Variants in CFAP20DC observed in about 807,000 individuals in gnomAD.
The protein encoded by CFAP20DC is protein CFAP20DC.
CFAP20DC carries 84 observed loss-of-function variants against 101.7 expected under a neutral mutation model. The ratio of observed to expected loss-of-function variants is 0.83; its 90% CI spans 0.69 to 0.99. The LOEUF is 0.99. Among genes scored for constraint, CFAP20DC ranks in the 50% least tolerant of loss-of-function variants. The pLI is 0.00. For missense variants in CFAP20DC, 1,007 were observed against 970.3 expected (o/e 1.04, Z -0.50); for synonymous variants, 359 against 351.2 (o/e 1.02, Z -0.25).
Position 58,912,465 on chromosome 3 carries a change from C to G in CFAP20DC, c.550+1243G>C, listed in dbSNP as rs1233304746. 3.9e-6 allele frequency: 1 copy of G among 255,912 alleles called. No individual in the cohort carries two copies. The highest frequency in any genetic ancestry group is 7.8e-6 in the Non-Finnish European group (1 of 128,586). The allele number at this position is 255,912 out of a possible 1,614,324, so 15.9% of individuals were successfully genotyped here. On this transcript the variant is annotated intron_variant, in intron 6 of 16. Coordinates refer to ENST00000482387, the MANE Select transcript of CFAP20DC (RefSeq NM_001394063.1). The surrounding 1 kb of genome is among the most constrained non-coding windows in gnomAD (Gnocchi z 4.4). ...TATTATCAAATGAAATTTATAGGCA[C>G]AGTGTCCTGTTCCACAGAGTGAGCC...
intron 1 of CFAP20DC, 81 bp downstream of exon 1, chr3:59,049,530 A>G: frequency 1.6e-6 from 2 of 1,272,986 alleles, no homozygotes; most frequent in Non-Finnish European, 2.2e-6. Context: ...TAGAGGGTGC[A>G]CTTTATCCTC....
At chr3:58,816,938 G>C (rs978212395) in intron 14 of CFAP20DC, among the ~76,000 whole-genome samples, 1 of 152,194 alleles carries the variant, frequency 6.6e-6, no homozygotes, top group East Asian at 1.9e-4. Context: ...CGCAGCTGGA[G>C]ATCTGAGAAC....
rs1385115074 is a variant in CFAP20DC at position 58,897,537 on chromosome 3, T to C, written c.551-12828A>G. Among the ~76,000 whole-genome samples, 3 of 152,256 alleles carry C rather than the reference T, an allele frequency of 2.0e-5. No individual in the cohort carries two copies. The highest frequency in any genetic ancestry group is 4.4e-5 in the Non-Finnish European group (3 of 68,046). On this transcript the variant is annotated intron_variant, in intron 6 of 16. Coordinates refer to ENST00000482387, the MANE Select transcript of CFAP20DC (RefSeq NM_001394063.1). The surrounding 1 kb of genome is among the most constrained non-coding windows in gnomAD (Gnocchi z 4.4). Reference sequence around the variant, plus strand: ...GGTAATGGTATTTCCTTTCCATATTTAGTGCTTCCTTCAGAAGTGCTTGCA... The same window carrying C: ...GGTAATGGTATTTCCTTTCCATATTCAGTGCTTCCTTCAGAAGTGCTTGCA...
chr3:59,000,965 T>C (rs2093292699), intron 4 of CFAP20DC, among the ~76,000 whole-genome samples: 1 of 151,848 alleles, frequency 6.6e-6, no homozygotes, highest in African/African-American at 2.4e-5. Flanking sequence ...GAAAACTTGA[T>C]AGGGGGAAAA....
At chr3:58,808,402 C>A (rs1433582554) in intron 14 of CFAP20DC, among the ~76,000 whole-genome samples, 1 of 152,134 alleles carries the variant, frequency 6.6e-6, no homozygotes, top group Non-Finnish European at 1.5e-5. Flanking sequence ...AGAGTGGGGA[C>A]CAATATTCAA....
intron 12 of CFAP20DC, among the ~76,000 whole-genome samples, chr3:58,856,500 C>G (rs1443884487): frequency 6.6e-6 from 1 of 152,204 alleles, no homozygotes; most frequent in Non-Finnish European, 1.5e-5. Context: ...GGGCAACCCT[C>G]TCTGCTGTAG....
At chr3:58,759,973 C>A in intron 15 of CFAP20DC, among the ~76,000 whole-genome samples, 1 of 152,144 alleles carries the variant, frequency 6.6e-6, no homozygotes, top group Non-Finnish European at 1.5e-5. Context: ...TAGCATGATG[C>A]CTCCAGCTTT....
chr3:59,012,033 T>C (rs888018317), intron 4 of CFAP20DC, among the ~76,000 whole-genome samples: 19 of 152,188 alleles, frequency 1.2e-4, no homozygotes, highest in Admixed American at 6.5e-5. Context: ...ACACTGGCGC[T>C]TCGAAATAAA....
intron 6 of CFAP20DC, among the ~76,000 whole-genome samples, chr3:58,895,938 C>T (rs954261292): frequency 2.0e-5 from 3 of 152,302 alleles, no homozygotes. Flanking sequence ...TTCGCTATTA[C>T]AAGAACAGCA....
chr3:58,978,263 T>C (rs972141433), intron 4 of CFAP20DC, among the ~76,000 whole-genome samples: 4 of 152,176 alleles, frequency 2.6e-5, no homozygotes, highest in African/African-American at 9.7e-5. Context: ...ATCCTATCCC[T>C]GACCTTCATA....
At chr3:58,975,123 G>C (rs1039964204) in intron 4 of CFAP20DC, among the ~76,000 whole-genome samples, 1 of 152,066 alleles carries the variant, frequency 6.6e-6, no homozygotes, top group African/African-American at 2.4e-5. Flanking sequence ...CTTATCACAG[G>C]GATTTGCACA....
At chr3:59,026,708 C>G (rs753975603) in intron 4 of CFAP20DC, among the ~76,000 whole-genome samples, 1 of 152,114 alleles carries the variant, frequency 6.6e-6, no homozygotes, top group Non-Finnish European at 1.5e-5. Context: ...TTCAAAGGAG[C>G]CTACTGTCTC....
intron 4 of CFAP20DC, among the ~76,000 whole-genome samples, chr3:58,956,082 CAT>C (rs1218779497): frequency 6.6e-6 from 1 of 151,486 alleles, no homozygotes; most frequent in Non-Finnish European, 1.5e-5. Flanking sequence ...GCTGACTTCA[CAT>C]GAGAGTCAGT....
At chr3:59,011,967 T>A (rs989018797) in intron 4 of CFAP20DC, among the ~76,000 whole-genome samples, 54 of 152,192 alleles carry the variant, frequency 3.5e-4, no homozygotes, top group African/African-American at 1.2e-3. Context: ...TATTTACTTG[T>A]TATAAAAACA....
intron 6 of CFAP20DC, among the ~76,000 whole-genome samples, chr3:58,888,312 C>G (rs540009438): frequency 4.6e-5 from 7 of 152,202 alleles, no homozygotes; most frequent in Non-Finnish European, 8.8e-5. Context: ...GGCTGGGAAT[C>G]TAGCAGTGAG....
intron 13 of CFAP20DC, among the ~76,000 whole-genome samples, chr3:58,842,083 T>G (rs1235694065): frequency 6.6e-6 from 1 of 152,180 alleles, no homozygotes; most frequent in Non-Finnish European, 1.5e-5. Context: ...AATAAAACAT[T>G]GCAAAGAACA....
intron 4 of CFAP20DC, among the ~76,000 whole-genome samples, chr3:58,979,436 A>T (rs528581359): frequency 6.6e-6 from 1 of 152,348 alleles, no homozygotes; most frequent in East Asian, 1.9e-4. Flanking sequence ...ACTAAGTTTT[A>T]TTCATATTCT....
intron 12 of CFAP20DC, among the ~76,000 whole-genome samples, chr3:58,850,550 T>C (rs1184729769): frequency 1.4e-5 from 2 of 146,538 alleles, no homozygotes; most frequent in African/African-American, 5.1e-5. Context: ...ATCATGCCAT[T>C]GCACCCCAGC....
At position 58,861,570 on chromosome 3, in the gene CFAP20DC, T is replaced by C. The variant is rs1575993850; in HGVS notation, c.1593+1988A>G. On this transcript the variant is annotated intron_variant, in intron 12 of 16. Coordinates refer to ENST00000482387, the MANE Select transcript of CFAP20DC (RefSeq NM_001394063.1). This position sits in a 1 kb window ranked among gnomAD's most constrained non-coding sequence, Gnocchi z 4.0. ...AAAATCCAATTTTGTTAAGAAGGTA[T>C]CATTACACATGCTAAAACTTGTTTA... 1.0e-6 allele frequency: 1 copy of C among 984,810 alleles called. No homozygotes were observed. Among genetic ancestry groups the C allele is most frequent in the African/African-American group, 1.7e-5 (1 of 57,236 alleles). 61.0% of individuals were successfully genotyped at this position (984,810 alleles called of 1,614,324 possible).
Sources: allele counts gnomAD v4.1 joint callset (sites outside exome capture counted in the v4.1 genomes callset), GRCh38; gene constraint gnomAD v4.1.1; non-coding constraint Gnocchi (gnomAD v3.1); transcripts MANE v1.5; gene names NCBI Gene and HGNC (gene_info 2026-07-23, HGNC 2026-07-21).